Variants in RPAP1 observed in about 807,000 individuals in gnomAD.
RPAP1 encodes RNA polymerase II-associated protein 1.
Under a neutral mutation model 142.4 loss-of-function variants are expected in RPAP1, and 109 were observed. That is an observed-to-expected ratio of 0.77 (90% CI 0.66 to 0.90). The LOEUF (loss-of-function observed/expected upper bound fraction) is 0.90, where lower values mean the gene tolerates loss of function less well. RPAP1 is among the 40% of genes least tolerant of loss of function. The pLI is 0.00. For synonymous variants in RPAP1, 704 were observed against 738.9 expected, an observed-to-expected ratio of 0.95 and a Z score of 0.77; for missense variants, 1,546 against 1,751.7, an observed-to-expected ratio of 0.88 and a Z score of 2.10.
chr15:41,520,589 G>A lies in RPAP1; in HGVS notation c.3597C>T (p.Cys1199=). 1 of 1,614,238 alleles carries A rather than the reference G, an allele frequency of 6.2e-7. No homozygotes were observed. The highest frequency in any genetic ancestry group is 8.5e-7 in the Non-Finnish European group (1 of 1,180,048). ...PQVLPNLNLD[C]RLPGLTSFPD... ...GGAAAGACGTCAGGCCAGGGAGTCG[G>A]CAGTCCAGGTTGAGGTTTGGCAAGA... The change falls in exon 22 of 25, where the codon TGC becomes TGT. Residue 1199 remains cysteine (C), a synonymous_variant. Transcript: ENST00000304330.
Position 41,531,210 on chromosome 15 carries a change from C to T in RPAP1, c.764-8G>A, listed in dbSNP as rs369001845. On this transcript the variant is annotated splice_region_variant and splice_polypyrimidine_tract_variant and intron_variant, in intron 6 of 24. Coordinates refer to ENST00000304330, the MANE Select transcript of RPAP1 (RefSeq NM_015540.4). ...AAGCAACCAAGCTGGGGTCTAGAGGCGAAGGTAGAGGGGAGAGTGAGTGAG... is the reference window on the plus strand; with the variant it reads ...AAGCAACCAAGCTGGGGTCTAGAGGTGAAGGTAGAGGGGAGAGTGAGTGAG... 2.8e-5 allele frequency: 45 copies of T among 1,606,054 alleles called. No homozygotes were observed. The South Asian group carries it at 3.4e-4, about 12-fold the overall frequency.
intron 1 of RPAP1, among the ~76,000 whole-genome samples, chr15:41,543,098 A>G (rs2051986190): frequency 6.6e-6 from 1 of 151,362 alleles, no homozygotes; most frequent in South Asian, 2.1e-4. Context: ...CCAGGGGGTT[A>G]TGGGCACCAG....
At position 41,535,532 on chromosome 15, in the gene RPAP1, G is replaced by A; in HGVS notation, c.521C>T (p.Pro174Leu). Residue 174 changes from proline to leucine, a missense_variant, in exon 5 of 25, where the codon CCC (proline) becomes CTC (leucine). By Grantham distance (98) the Pro-to-Leu change is moderately conservative. Around this residue, in one of 3 missense-constraint regions of RPAP1, gnomAD observed 1,333 missense variants for 1,486.6 expected, o/e 0.90. Transcript: ENST00000304330. ...AKGPSVGEVV[P>L]NVGPPEGAVT... The stretch of plus-strand genomic sequence containing the variant: ...CTCACCCTCTGGTGGGCCCACGTTG[G>A]GCACAACTTCCCCAACTGATGGGCC... 6.2e-7 allele frequency: 1 copy of A among 1,611,746 alleles called. No homozygotes were observed. The highest frequency in any genetic ancestry group is 2.2e-5 in the East Asian group (1 of 44,764).
chr15:41,525,984 C>G (rs1332089935), intron 14 of RPAP1, among the ~76,000 whole-genome samples: 14 of 152,004 alleles, frequency 9.2e-5, no homozygotes, highest in Admixed American at 9.2e-4. Context: ...GAATCTTGCT[C>G]TGCCACCCAG....
chr15:41,521,285 G>T, intron 21 of RPAP1, 138 bp from the exon 22 acceptor site: 1 of 833,648 alleles, frequency 1.2e-6, no homozygotes. Context: ...CCCGCGCAGT[G>T]CTGTGTAGCA....
At chr15:41,523,708 G>A (rs1468357825) in intron 17 of RPAP1, 63 bp downstream of exon 17, 35 of 1,381,894 alleles carry the variant, frequency 2.5e-5, no homozygotes, top group Middle Eastern at 1.9e-4. Context: ...AGGGAGCAAC[G>A]GGTGGAATGT....
chr15:41,543,018 G>A (rs954984423), intron 1 of RPAP1, among the ~76,000 whole-genome samples: 2 of 152,008 alleles, frequency 1.3e-5, no homozygotes, highest in African/African-American at 4.8e-5. Flanking sequence ...CTTATCCATG[G>A]ATTCATGTGA....
At chr15:41,534,605 AAAAG>A in intron 6 of RPAP1, 105 bp downstream of exon 6, 2 of 536,082 alleles carry the variant, frequency 3.7e-6, no homozygotes, top group Non-Finnish European at 6.2e-6. Flanking sequence ...AAAAAAAAAA[AAAAG>A]CATTAAAGTA....
intron 11 of RPAP1, 114 bp from the exon 12 acceptor site, chr15:41,527,719 G>C: frequency 6.9e-7 from 1 of 1,454,704 alleles, no homozygotes. Context: ...TGGGCTTTAG[G>C]GACTTTAGGA....
At chr15:41,528,176 A>G in intron 10 of RPAP1, 59 bp downstream of exon 10, 1 of 1,519,264 alleles carries the variant, frequency 6.6e-7, no homozygotes, top group Non-Finnish European at 9.0e-7. Context: ...GAGATGGGGA[A>G]GTCTGAGGCT....
At chr15:41,528,606 T>G (rs1439040665) in intron 9 of RPAP1, among the ~76,000 whole-genome samples, 5 of 151,826 alleles carry the variant, frequency 3.3e-5, no homozygotes, top group Admixed American at 2.0e-4. Flanking sequence ...TCTCAGTGGA[T>G]GGGTAGAGCT....
At chr15:41,528,376 G>T in intron 9 of RPAP1, 40 bp from the exon 10 acceptor site, 1 of 1,398,044 alleles carries the variant, frequency 7.2e-7, no homozygotes. Context: ...CCAGGATACA[G>T]CACAGTGCCC....
At position 41,520,544 on chromosome 15, in the gene RPAP1, G is replaced by A; in HGVS notation, c.3642C>T (p.Phe1214=). Residue 1214 remains phenylalanine (F), a synonymous_variant, in exon 22 of 25, where the codon TTC becomes TTT. Coordinates refer to ENST00000304330, the MANE Select transcript of RPAP1 (RefSeq NM_015540.4). ...LTSFPDLYAN[F]LDHFEAVSFG... ...AAGAGACAGCCTCAAAATGATCCAG[G>A]AAGTTGGCATAGAGGTCAGGGAAAG... The A allele has an allele frequency of 1.2e-6, 2 of 1,614,212 alleles. No individual in the cohort carries two copies. Among genetic ancestry groups the A allele is most frequent in the Non-Finnish European group, 1.7e-6 (2 of 1,180,032 alleles).
At chr15:41,537,814 T>C (rs551566916) in intron 1 of RPAP1, among the ~76,000 whole-genome samples, 149 of 144,200 alleles carry the variant, frequency 1.0e-3, no homozygotes, top group Non-Finnish European at 1.7e-3. Flanking sequence ...ACCTGGGAGA[T>C]GGAGGTTGCT....
intron 7 of RPAP1, 82 bp from the exon 8 acceptor site, chr15:41,530,061 C>T: frequency 1.0e-6 from 1 of 978,134 alleles, no homozygotes; most frequent in Non-Finnish European, 1.6e-6. Context: ...CCAGCAGCTG[C>T]CACATCCACT....
chr15:41,535,193 A>G (rs1364928205), intron 5 of RPAP1, among the ~76,000 whole-genome samples: 1 of 152,194 alleles, frequency 6.6e-6, no homozygotes, highest in African/African-American at 2.4e-5. Context: ...GCAGGCATCT[A>G]TAGCCAGGGG....
At position 41,522,775 on chromosome 15, in the gene RPAP1, A is replaced by G; in HGVS notation, c.2732T>C (p.Leu911Pro). ...GCACCCCACACTTACCTGGCCACAC[A>G]GCCCCTTGTGGATCTGGGCCAGGGT... ...LNTLAQIHKGLCGQLAAILAA... is the reference protein window; with the variant it reads ...LNTLAQIHKGPCGQLAAILAA... The change falls in exon 19 of 25, where the codon CTG (leucine) becomes CCG (proline). Residue 911 changes from leucine (L) to proline (P), a missense_variant. By Grantham distance (98) the Leu-to-Pro change is moderately conservative. Transcript: ENST00000304330. 1 of 1,545,604 alleles carries G rather than the reference A, an allele frequency of 6.5e-7. No individual in the cohort carries two copies. Among genetic ancestry groups the G allele is most frequent in the African/African-American group, 1.4e-5 (1 of 70,212 alleles).
chr15:41,519,311 G>A (rs182527892), intron 22 of RPAP1, among the ~76,000 whole-genome samples: 7 of 152,156 alleles, frequency 4.6e-5, no homozygotes, highest in Admixed American at 6.5e-5. Context: ...GGGTTCAAGC[G>A]ATTCTCCTGC....
chr15:41,543,279 G>A (rs1030478120), intron 1 of RPAP1, among the ~76,000 whole-genome samples: 2 of 138,510 alleles, frequency 1.4e-5, no homozygotes, highest in East Asian at 2.3e-4. Context: ...GCACGATCTC[G>A]GCACACTGCA....
Sources: allele counts gnomAD v4.1 joint callset (sites outside exome capture counted in the v4.1 genomes callset), GRCh38; gene constraint gnomAD v4.1.1; regional missense constraint gnomAD v4.1.1; transcripts MANE v1.5; gene names NCBI Gene and HGNC (gene_info 2026-07-23, HGNC 2026-07-21).